GNB5: variants seen among roughly 807,000 people sequenced by gnomAD.
The protein encoded by GNB5 is G protein subunit beta 5, also known as guanine nucleotide-binding protein subunit beta-5.
In GNB5, 37 loss-of-function variants were observed where a neutral mutation model predicts 55.3. That is an observed-to-expected ratio of 0.67 (90% CI 0.51 to 0.88). The LOEUF (loss-of-function observed/expected upper bound fraction) is 0.88, where lower values mean the gene tolerates loss of function less well. GNB5 is among the 40% of genes least tolerant of loss of function. GNB5 has a pLI of 0.00. For missense variants in GNB5, 476 were observed against 515.3 expected, an observed-to-expected ratio of 0.92 and a Z score of 0.74; for synonymous variants, 219 against 198.5, an observed-to-expected ratio of 1.10 and a Z score of -0.87.
intron 3 of GNB5, among the ~76,000 whole-genome samples, chr15:52,163,014 C>T (rs2034367692): frequency 6.6e-6 from 1 of 152,070 alleles, no homozygotes; most frequent in African/African-American, 2.4e-5. Context: ...AATAGCTAGT[C>T]GGGGCGACTC....
rs532882370 is a variant in GNB5 at position 52,175,924 on chromosome 15, C to T, written c.238+3844G>A. 5.3e-5 allele frequency among the ~76,000 whole-genome samples: 8 copies of T among 152,140 alleles called. No individual in the cohort carries two copies. In the South Asian group the frequency reaches 1.7e-3, roughly 32 times the overall value. On this transcript the variant is annotated intron_variant, in intron 3 of 12. Transcript: ENST00000261837. ...ATTAGCCAGGTGTGATGGCATGTGC[C>T]TGTAATCCCAGCTACTCAGGAGGCT...
chr15:52,173,854 G>A (rs2141234290), intron 3 of GNB5, among the ~76,000 whole-genome samples: 1 of 152,324 alleles, frequency 6.6e-6, no homozygotes, highest in East Asian at 1.9e-4. Context: ...CTGGAAGACT[G>A]AAGCTGAAGC....
intron 3 of GNB5, among the ~76,000 whole-genome samples, chr15:52,155,395 C>T (rs1334960457): frequency 1.3e-5 from 2 of 152,136 alleles, no homozygotes; most frequent in African/African-American, 4.8e-5. Context: ...CAGCAGCGTC[C>T]CTTCCTGGGA....
At chr15:52,185,253 A>G (rs10083575) in intron 1 of GNB5, among the ~76,000 whole-genome samples, 2,848 of 152,338 alleles carry the variant, frequency 0.019, 82 homozygotes, top group African/African-American at 0.066. Context: ...AGGCCGCTGC[A>G]GGGAGGCAGC....
intron 6 of GNB5, among the ~76,000 whole-genome samples, chr15:52,142,838 G>C (rs990601894): frequency 2.2e-4 from 33 of 150,246 alleles, no homozygotes; most frequent in Non-Finnish European, 4.4e-5. Flanking sequence ...TCAGTAATTA[G>C]CTTTGGCAAA....
chr15:52,177,073 C>T (rs185462364), intron 3 of GNB5, among the ~76,000 whole-genome samples: 25 of 130,480 alleles, frequency 1.9e-4, no homozygotes, highest in African/African-American at 7.6e-4. Context: ...CTCGCTCTGT[C>T]GCCCAGGCTG....
At position 52,119,026 on chromosome 15, in the gene GNB5, CTGGGGGAAGGGGA is replaced by C. The variant is rs1368001631; in HGVS notation, c.*3718_*3730del. On this transcript the variant is annotated 3_prime_UTR_variant, in exon 13 of 13. Coordinates refer to ENST00000261837, the MANE Select transcript of GNB5 (RefSeq NM_016194.4). ...GAGGAGATGGGGAGAAAAGAAAGAGCTGGGGGAAGGGGAATGGGGAGGAGATGGGGAGAAAAGG... is the reference window on the plus strand; with the variant it reads ...GAGGAGATGGGGAGAAAAGAAAGAGCATGGGGAGGAGATGGGGAGAAAAGG... 3 of 67,178 alleles carry C rather than the reference CTGGGGGAAGGGGA, an allele frequency of 4.5e-5. No homozygotes were observed. Among genetic ancestry groups the C allele is most frequent in the African/African-American group, 2.4e-4 (3 of 12,688 alleles). 4.2% of individuals were successfully genotyped at this position (67,178 alleles called of 1,614,324 possible). A position where few individuals can be genotyped will look rare whatever the true frequency, so the allele number is the denominator to read the frequency against.
intron 3 of GNB5, among the ~76,000 whole-genome samples, chr15:52,170,162 C>A (rs2034530290): frequency 6.6e-6 from 1 of 152,124 alleles, no homozygotes; most frequent in African/African-American, 2.4e-5. Context: ...TGTGGCAATT[C>A]CTCAAAGATC....
At chr15:52,136,904 A>G (rs1596064922) in intron 7 of GNB5, 1 of 435,768 alleles carries the variant, frequency 2.3e-6, no homozygotes, top group East Asian at 7.0e-5. Context: ...GAGACCAAGT[A>G]AAAATAACTT....
Position 52,124,834 on chromosome 15 carries a change from C to G in GNB5, c.1010-195G>C, listed in dbSNP as rs893076381. ...TTGGAGGATGTGGGGCTGAAAGGAA[C>G]AGATCACTGTAGCATCCCATGGTAA... is the stretch of plus-strand genomic sequence containing the variant. On this transcript the variant is annotated intron_variant, in intron 11 of 12. Coordinates refer to ENST00000261837, the MANE Select transcript of GNB5 (RefSeq NM_016194.4). The G allele has an allele frequency of 1.0e-4, 58 of 560,732 alleles. No individual in the cohort carries two copies. The Middle Eastern group carries it at 1.9e-3, about 18-fold the overall frequency. 34.7% of individuals were successfully genotyped at this position (560,732 alleles called of 1,614,324 possible). A position where few individuals can be genotyped will look rare whatever the true frequency, so the allele number is the denominator to read the frequency against.
chr15:52,159,612 G>T (rs1361646211), intron 3 of GNB5, among the ~76,000 whole-genome samples: 1 of 152,232 alleles, frequency 6.6e-6, no homozygotes, highest in Non-Finnish European at 1.5e-5. Flanking sequence ...AACTCAAGAG[G>T]AAGTGTAGGC....
rs184529003 is a variant in GNB5, at chr15:52,166,650, C to A, written c.239-12574G>T. On this transcript the variant is annotated intron_variant, in intron 3 of 12. Transcript: ENST00000261837. Reference sequence around the variant, plus strand: ...TTTGAAACTAATGAGAACTAAGAGACAACGTACCAGAATCTCTAGGACACA... The same window carrying A: ...TTTGAAACTAATGAGAACTAAGAGAAAACGTACCAGAATCTCTAGGACACA... Among the ~76,000 whole-genome samples the A allele has an allele frequency of 2.3e-3, 346 of 152,154 alleles. 3 individuals are homozygous for A. The highest frequency in any genetic ancestry group is 3.8e-3 in the Admixed American group (58 of 15,288).
At chr15:52,128,982 G>C (rs1425771222) in intron 9 of GNB5, among the ~76,000 whole-genome samples, 1 of 141,096 alleles carries the variant, frequency 7.1e-6, no homozygotes, top group Non-Finnish European at 1.5e-5. Context: ...TTGAGACTGA[G>C]TCTCATTCTG....
chr15:52,136,334 A>G (rs1282118828), intron 7 of GNB5, among the ~76,000 whole-genome samples: 6 of 152,178 alleles, frequency 3.9e-5, no homozygotes, highest in Non-Finnish European at 8.8e-5. Flanking sequence ...ACAGGGCTCT[A>G]CACATGCCTG....
intron 7 of GNB5, chr15:52,137,593 G>C: frequency 9.0e-7 from 1 of 1,108,342 alleles, no homozygotes; most frequent in Non-Finnish European, 1.1e-6. Flanking sequence ...CAGCCATAGA[G>C]TAAAGGCACA....
intron 6 of GNB5, among the ~76,000 whole-genome samples, chr15:52,143,555 C>T (rs2033905643): frequency 6.6e-6 from 1 of 152,080 alleles, no homozygotes; most frequent in Non-Finnish European, 1.5e-5. Flanking sequence ...GTATATATAA[C>T]CAATTGACAC....
intron 3 of GNB5, among the ~76,000 whole-genome samples, chr15:52,159,282 T>C (rs1047264724): frequency 9.9e-5 from 15 of 152,102 alleles, no homozygotes; most frequent in African/African-American, 3.4e-4. Context: ...CATGACTATC[T>C]GTGGCTGCAG....
At chr15:52,161,857 A>G (rs918567737) in intron 3 of GNB5, among the ~76,000 whole-genome samples, 15 of 152,194 alleles carry the variant, frequency 9.9e-5, no homozygotes, top group African/African-American at 3.4e-4. Context: ...AACCATGTGG[A>G]CCGGTAGTCT....
intron 6 of GNB5, among the ~76,000 whole-genome samples, chr15:52,143,064 A>G (rs2033893232): frequency 6.6e-6 from 1 of 152,028 alleles, no homozygotes; most frequent in African/African-American, 2.4e-5. Context: ...CTGAGGCAGG[A>G]GAATTGCTTG....
Sources: allele counts gnomAD v4.1 joint callset (sites outside exome capture counted in the v4.1 genomes callset), GRCh38; gene constraint gnomAD v4.1.1; transcripts MANE v1.5; gene names NCBI Gene and HGNC (gene_info 2026-07-23, HGNC 2026-07-21).